LRP1B: variants seen among roughly 807,000 people sequenced by gnomAD.
LRP1B encodes the protein low-density lipoprotein receptor-related protein 1B.
LRP1B carries 217 observed loss-of-function variants against 556.6 expected under a neutral mutation model. The ratio of observed to expected loss-of-function variants is 0.39; its 90% CI spans 0.35 to 0.44. LRP1B has a LOEUF of 0.44. LRP1B is among the 20% of genes least tolerant of loss of function. LRP1B has a pLI of 1.00. For missense variants in LRP1B, 5,053 were observed against 5,620.8 expected, an observed-to-expected ratio of 0.90 and a Z score of 3.23; for synonymous variants, 2,047 against 1,865.8, an observed-to-expected ratio of 1.10 and a Z score of -2.50.
chr2:141,975,072 ATGCTCAGG>A lies in LRP1B; in HGVS notation c.82+155568_82+155575del, dbSNP rs1033667622. On this transcript the variant is annotated intron_variant, in intron 1 of 90. Transcript: ENST00000389484. ...GTGACATTGCATCATGTGCTCTGCA[ATGCTCAGG>A]TGCTATACTCCTCCACTTATCCAAA... Among the ~76,000 whole-genome samples, 407 of 152,158 alleles carry A rather than the reference ATGCTCAGG, an allele frequency of 2.7e-3. 2 individuals are homozygous for A. The highest frequency in any genetic ancestry group is 9.1e-3 in the African/African-American group (377 of 41,558).
intron 2 of LRP1B, among the ~76,000 whole-genome samples, chr2:141,653,889 AAC>A (rs1689896111): frequency 6.6e-6 from 1 of 152,228 alleles, no homozygotes; most frequent in Admixed American, 6.5e-5. Flanking sequence ...TACATTCTAC[AAC>A]ACTGTCACAC....
rs577955494 is a variant in LRP1B at position 141,568,757 on chromosome 2, G to T, written c.206-88224C>A. Among the ~76,000 whole-genome samples the T allele has an allele frequency of 2.8e-4, 43 of 151,036 alleles. 2 individuals carry two copies. Among genetic ancestry groups the T allele is most frequent in the Admixed American group, 2.6e-3 (39 of 15,152 alleles). On this transcript the variant is annotated intron_variant, in intron 2 of 90. Transcript: ENST00000389484. Reference sequence around the variant, plus strand: ...TCAAACATTTATTTCATATTCATTAGTTTAGTTAGTTTTTGAGATGGAGTC... The same window carrying T: ...TCAAACATTTATTTCATATTCATTATTTTAGTTAGTTTTTGAGATGGAGTC...
chr2:141,113,096 C>T (rs1700796004), intron 7 of LRP1B, among the ~76,000 whole-genome samples: 1 of 152,100 alleles, frequency 6.6e-6, no homozygotes, highest in South Asian at 2.1e-4. Context: ...GTTAATTATA[C>T]TTTTATTCCT....
intron 41 of LRP1B, among the ~76,000 whole-genome samples, chr2:140,668,470 G>A (rs6725619): frequency 6.6e-6 from 1 of 151,446 alleles, no homozygotes; most frequent in African/African-American, 2.4e-5. Flanking sequence ...ATTTACTGTA[G>A]GCATGTTTTT....
At chr2:141,865,263 T>C (rs1032599741) in intron 1 of LRP1B, among the ~76,000 whole-genome samples, 1 of 152,086 alleles carries the variant, frequency 6.6e-6, no homozygotes, top group African/African-American at 2.4e-5. Context: ...AAGGGATTTA[T>C]AAAAGGACTC....
chr2:141,169,615 A>G (rs940027903), intron 7 of LRP1B, among the ~76,000 whole-genome samples: 1 of 151,876 alleles, frequency 6.6e-6, no homozygotes, highest in Non-Finnish European at 1.5e-5. Context: ...TGTAGTAGGG[A>G]AGAAAATCTG....
At chr2:140,734,823 G>A (rs1426783639) in intron 35 of LRP1B, among the ~76,000 whole-genome samples, 1 of 152,146 alleles carries the variant, frequency 6.6e-6, no homozygotes, top group Non-Finnish European at 1.5e-5. Flanking sequence ...ATAGGTGACA[G>A]TGACTCTCCA....
chr2:141,552,338 C>G (rs1254177732), intron 2 of LRP1B, among the ~76,000 whole-genome samples: 2 of 151,998 alleles, frequency 1.3e-5, no homozygotes, highest in East Asian at 1.9e-4. Context: ...ACTCCAGCAC[C>G]ACTGAGTGAC....
intron 1 of LRP1B, among the ~76,000 whole-genome samples, chr2:141,828,974 T>G (rs939401759): frequency 6.6e-6 from 1 of 152,130 alleles, no homozygotes; most frequent in Non-Finnish European, 1.5e-5. Context: ...TCCCTTCCAG[T>G]TGCCTAACTG....
At chr2:140,772,753 A>T (rs1210504735) in intron 33 of LRP1B, among the ~76,000 whole-genome samples, 1 of 152,158 alleles carries the variant, frequency 6.6e-6, no homozygotes, top group East Asian at 1.9e-4. Context: ...CTGGGGAGAC[A>T]TCCGCAGATG....
intron 1 of LRP1B, among the ~76,000 whole-genome samples, chr2:142,055,841 T>A (rs1704648624): frequency 6.6e-6 from 1 of 152,134 alleles, no homozygotes; most frequent in Non-Finnish European, 1.5e-5. Flanking sequence ...GTAGACTATT[T>A]CTCTATTTTT....
chr2:140,990,104 G>A (rs1697047486), intron 16 of LRP1B, among the ~76,000 whole-genome samples: 3 of 152,104 alleles, frequency 2.0e-5, no homozygotes, highest in Admixed American at 6.5e-5. Flanking sequence ...CTACTTGGGA[G>A]GCTGAGGCAG....
At chr2:140,295,750 A>G (rs1644933848) in intron 84 of LRP1B, among the ~76,000 whole-genome samples, 1 of 152,182 alleles carries the variant, frequency 6.6e-6, no homozygotes, top group Non-Finnish European at 1.5e-5. Flanking sequence ...CTAATGCAAA[A>G]AAGGAATTAC....
chr2:141,891,297 T>C (rs1341219988), intron 1 of LRP1B, among the ~76,000 whole-genome samples: 1 of 152,132 alleles, frequency 6.6e-6, no homozygotes, highest in African/African-American at 2.4e-5. Context: ...GCTGTAAACA[T>C]TTTAGGCAGC....
chr2:142,112,018 G>A (rs572281041), intron 1 of LRP1B, among the ~76,000 whole-genome samples: 1 of 152,120 alleles, frequency 6.6e-6, no homozygotes, highest in East Asian at 1.9e-4. Context: ...ACTGAGTATG[G>A]TAGCAAAGCA....
At chr2:141,779,537 C>T (rs1370875412) in intron 2 of LRP1B, among the ~76,000 whole-genome samples, 2 of 151,770 alleles carry the variant, frequency 1.3e-5, no homozygotes, top group Non-Finnish European at 2.9e-5. Context: ...CTGCCTCAGC[C>T]TCCCAAGTAG....
intron 25 of LRP1B, among the ~76,000 whole-genome samples, chr2:140,878,032 C>CAATA (rs1693363327): frequency 6.6e-6 from 1 of 152,090 alleles, no homozygotes; most frequent in Admixed American, 6.5e-5. Flanking sequence ...TTCAGAAAAA[C>CAATA]AATATCCAAA....
intron 3 of LRP1B, among the ~76,000 whole-genome samples, chr2:141,311,260 T>C (rs1686802102): frequency 6.6e-6 from 1 of 152,190 alleles, no homozygotes; most frequent in Admixed American, 6.5e-5. Flanking sequence ...CTTTTCTTTG[T>C]TGTAATCTTT....
intron 2 of LRP1B, among the ~76,000 whole-genome samples, chr2:141,604,278 T>G (rs1407180419): frequency 6.6e-6 from 1 of 152,156 alleles, no homozygotes. Flanking sequence ...TATCAAAACT[T>G]GTGAAATGTT....
Sources: gnomAD v4.1 joint callset for allele counts (sites outside exome capture counted in the v4.1 genomes callset) on GRCh38, gnomAD v4.1.1 for gene constraint, MANE v1.5 for transcripts, NCBI Gene and HGNC (gene_info 2026-07-23, HGNC 2026-07-21) for gene names.